The following ADAMTS19 variants were observed in gnomAD, a reference collection of about 807,000 sequenced individuals.
The protein encoded by ADAMTS19 is ADAM metallopeptidase with thrombospondin type 1 motif 19, also known as A disintegrin and metalloproteinase with thrombospondin motifs 19.
In ADAMTS19, 93 loss-of-function variants were observed where a neutral mutation model predicts 153.3. The ratio of observed to expected loss-of-function variants is 0.61; its 90% CI spans 0.51 to 0.72. The LOEUF is 0.72. ADAMTS19 is among the 30% of genes least tolerant of loss of function. The pLI, the probability that ADAMTS19 is intolerant of heterozygous loss-of-function variation, is 0.00. For missense variants in ADAMTS19, 1,482 were observed against 1,552.1 expected (o/e 0.95, Z 0.76); for synonymous variants, 600 against 556.6 (o/e 1.08, Z -1.10).
intron 10 of ADAMTS19, among the ~76,000 whole-genome samples, chr5:129,623,545 A>G (rs1158565510): frequency 6.6e-6 from 1 of 152,188 alleles, no homozygotes; most frequent in East Asian, 1.9e-4. Context: ...CTGTCAGCAT[A>G]ATTAAGATGC....
At position 129,461,568 on chromosome 5, in the gene ADAMTS19, C is replaced by G. The variant is rs1052982799; in HGVS notation, c.558C>G (p.Leu186=). ...PAFSRDLYLL[L]RRDGRFLAPR... is the part of the protein sequence containing the mutation. ...TCTCTCGGGACCTGTACCTGCTGCT[C>G]CGGAGAGACGGCCGCTTCCTGGCGC... The change falls in exon 2 of 23, where the codon CTC becomes CTG. Residue 186 remains leucine (L), a synonymous_variant. Transcript: ENST00000274487. The surrounding 1 kb of genome is among the most constrained non-coding windows in gnomAD (Gnocchi z 4.6). 6.4e-6 allele frequency: 10 copies of G among 1,558,774 alleles called. No homozygotes were observed. In the Admixed American group the frequency reaches 1.9e-4, roughly 29 times the overall value.
intron 10 of ADAMTS19, among the ~76,000 whole-genome samples, chr5:129,636,350 C>CT (rs1369580794): frequency 1.3e-5 from 2 of 152,160 alleles, no homozygotes; most frequent in Non-Finnish European, 2.9e-5. Flanking sequence ...GAAGGGGAAT[C>CT]TTTTTATCTT....
chr5:129,462,596 C>T (rs1283017627), intron 2 of ADAMTS19, among the ~76,000 whole-genome samples: 1 of 150,526 alleles, frequency 6.6e-6, no homozygotes, highest in Non-Finnish European at 1.5e-5. Flanking sequence ...TATAAGTTGA[C>T]CTTTGTGTGT....
At chr5:129,535,935 G>A (rs534807614) in intron 6 of ADAMTS19, among the ~76,000 whole-genome samples, 1 of 152,112 alleles carries the variant, frequency 6.6e-6, no homozygotes, top group African/African-American at 2.4e-5. Flanking sequence ...AGACTTACAT[G>A]TTAGACCTAA....
chr5:129,667,024 C>T lies in ADAMTS19; in HGVS notation c.2506+1445C>T, dbSNP rs534527741. 1.7e-3 allele frequency among the ~76,000 whole-genome samples: 264 copies of T among 152,262 alleles called. 1 individual carries two copies. The highest frequency in any genetic ancestry group is 1.9e-3 in the Non-Finnish European group (130 of 68,010). On this transcript the variant is annotated intron_variant, in intron 16 of 22. Coordinates refer to ENST00000274487, the MANE Select transcript of ADAMTS19 (RefSeq NM_133638.6). ...CATGCTGTCTCCAATTTCTTACCTC[C>T]CAGTCTCTTCAACCAATCCAGTCCT... is the stretch of plus-strand genomic sequence containing the variant.
intron 3 of ADAMTS19, among the ~76,000 whole-genome samples, chr5:129,510,369 T>A (rs1751398679): frequency 6.6e-6 from 1 of 151,830 alleles, no homozygotes; most frequent in Non-Finnish European, 1.5e-5. Flanking sequence ...CTGTTTTCTT[T>A]TGTAAAAAGT....
intron 1 of ADAMTS19, chr5:129,460,810 T>C: frequency 2.1e-6 from 1 of 483,996 alleles, no homozygotes; most frequent in Non-Finnish European, 3.6e-6. Context: ...AGAAATCGTT[T>C]ACTCGTGCTG....
intron 7 of ADAMTS19, among the ~76,000 whole-genome samples, chr5:129,563,965 G>A (rs926281258): frequency 4.6e-5 from 7 of 151,992 alleles, no homozygotes; most frequent in African/African-American, 1.4e-4. Flanking sequence ...TGTCACCGAG[G>A]CTGGAGTGCA....
intron 20 of ADAMTS19, among the ~76,000 whole-genome samples, chr5:129,702,941 A>AAAAAAATAT: frequency 2.0e-3 from 58 of 29,268 alleles, no homozygotes; most frequent in African/African-American, 4.4e-3. Context: ...AAAAAAAAAA[A>AAAAAAATAT]ATATATATAT....
intron 10 of ADAMTS19, among the ~76,000 whole-genome samples, chr5:129,629,138 C>G (rs993537497): frequency 6.6e-6 from 1 of 152,046 alleles, no homozygotes; most frequent in South Asian, 2.1e-4. Context: ...GTCATTGTAT[C>G]TCTAGCACCC....
intron 8 of ADAMTS19, among the ~76,000 whole-genome samples, chr5:129,605,137 T>G (rs1436958280): frequency 1.3e-5 from 2 of 152,182 alleles, no homozygotes; most frequent in Non-Finnish European, 2.9e-5. Flanking sequence ...AATCTTTCCT[T>G]TTTAGCCTTT....
chr5:129,683,703 G>T (rs980380953), intron 17 of ADAMTS19, among the ~76,000 whole-genome samples: 1 of 151,538 alleles, frequency 6.6e-6, no homozygotes, highest in African/African-American at 2.4e-5. Context: ...GCATTAGATT[G>T]TGGGTCACAC....
At chr5:129,694,324 C>T (rs977951482) in intron 18 of ADAMTS19, among the ~76,000 whole-genome samples, 3 of 151,988 alleles carry the variant, frequency 2.0e-5, no homozygotes, top group Non-Finnish European at 1.5e-5. Context: ...TGTAACAAAC[C>T]TGCAGGTGTA....
At chr5:129,714,925 T>C (rs1756654741) in intron 21 of ADAMTS19, among the ~76,000 whole-genome samples, 1 of 152,208 alleles carries the variant, frequency 6.6e-6, no homozygotes, top group African/African-American at 2.4e-5. Context: ...ATTAACTAGT[T>C]ATAGAACTCA....
At position 129,602,850 on chromosome 5, in the gene ADAMTS19, G is replaced by GTGTA. The variant is rs1354437319; in HGVS notation, c.1478+6189_1478+6190insATGT. Among the ~76,000 whole-genome samples the GTGTA allele has an allele frequency of 3.6e-3, 553 of 151,800 alleles. 5 individuals are homozygous for GTGTA. The highest frequency in any genetic ancestry group is 0.013 in the African/African-American group (529 of 41,322). The stretch of plus-strand genomic sequence containing the variant: ...TCTGTGTGTGTGTGTGTGTGTGTGT[G>GTGTA]TGTGTGTCTTTCACTGTTTAACACT... On this transcript the variant is annotated intron_variant, in intron 8 of 22. Transcript: ENST00000274487.
At chr5:129,702,902 T>G (rs1325538336) in intron 20 of ADAMTS19, among the ~76,000 whole-genome samples, 1 of 126,058 alleles carries the variant, frequency 7.9e-6, no homozygotes, top group Non-Finnish European at 1.6e-5. Flanking sequence ...AAACTCAATT[T>G]TATGAATCAG....
At chr5:129,643,775 CTG>C (rs1173686862) in intron 11 of ADAMTS19, among the ~76,000 whole-genome samples, 2 of 152,096 alleles carry the variant, frequency 1.3e-5, no homozygotes, top group African/African-American at 2.4e-5. Flanking sequence ...GAATTTGGGT[CTG>C]TTTTATTTTT....
At chr5:129,516,757 T>C (rs1036285538) in intron 3 of ADAMTS19, among the ~76,000 whole-genome samples, 3 of 133,222 alleles carry the variant, frequency 2.3e-5, no homozygotes, top group Non-Finnish European at 4.6e-5. Flanking sequence ...TTCTGTTTTA[T>C]TGATTTTTTT....
At chr5:129,682,145 A>C (rs920180633) in intron 17 of ADAMTS19, among the ~76,000 whole-genome samples, 1 of 152,188 alleles carries the variant, frequency 6.6e-6, no homozygotes, top group Admixed American at 6.5e-5. Context: ...GTAATTACCA[A>C]GGTTTTTCCT....
Sources: gnomAD v4.1 joint callset for allele counts (sites outside exome capture counted in the v4.1 genomes callset) on GRCh38, gnomAD v4.1.1 for gene constraint, Gnocchi (gnomAD v3.1) non-coding constraint, MANE v1.5 for transcripts, NCBI Gene and HGNC (gene_info 2026-07-23, HGNC 2026-07-21) for gene names.